Variants in AGK observed in about 807,000 individuals in gnomAD.
The protein encoded by AGK is acylglycerol kinase, mitochondrial.
In AGK, 52 loss-of-function variants were observed where a neutral mutation model predicts 66.4. That is an observed-to-expected ratio of 0.78 (90% confidence interval 0.63 to 0.99). The LOEUF (loss-of-function observed/expected upper bound fraction) is 0.99, where lower values mean the gene tolerates loss of function less well. AGK is among the 50% of genes least tolerant of loss of function. The probability of loss-of-function intolerance (pLI) is 0.00; values close to 1 mark genes in which losing one functional copy is unlikely to be tolerated. For synonymous variants in AGK, 182 were observed against 181.1 expected (o/e 1.00, Z -0.04); for missense variants, 451 against 506.6 (o/e 0.89, Z 1.05).
At chr7:141,593,050 G>A in intron 2 of AGK, 96 bp from the exon 3 acceptor site, 1 of 999,214 alleles carries the variant, frequency 1.0e-6, no homozygotes, top group African/African-American at 1.6e-5. Context: ...TTTTAGAGAA[G>A]AGGTGCCTAT....
At chr7:141,625,122 AG>A (rs1170561473) in intron 9 of AGK, among the ~76,000 whole-genome samples, 1 of 152,186 alleles carries the variant, frequency 6.6e-6, no homozygotes, top group East Asian at 1.9e-4. Context: ...TTTTAAGTTA[AG>A]GTGCATACTT....
intron 2 of AGK, among the ~76,000 whole-genome samples, chr7:141,559,219 A>T (rs560891449): frequency 6.6e-6 from 1 of 151,958 alleles, no homozygotes. Context: ...GCTTTTCCCT[A>T]TGTTTTCTTC....
intron 8 of AGK, chr7:141,616,207 T>C (rs35266476): frequency 0.38 from 56,911 of 151,648 alleles, 11,523 homozygotes; most frequent in East Asian, 0.54. Context: ...GATAGGAATC[T>C]TGAATTTGAG....
At chr7:141,609,668 G>A (rs1796537818) in intron 5 of AGK, among the ~76,000 whole-genome samples, 1 of 152,196 alleles carries the variant, frequency 6.6e-6, no homozygotes, top group African/African-American at 2.4e-5. Flanking sequence ...CCATTGGTGA[G>A]TTAACTCAAT....
rs774689436 is a variant in AGK, at chr7:141,637,034, G to T, written c.726+17G>T. On this transcript the variant is annotated intron_variant, in intron 11 of 15. Coordinates refer to ENST00000649286, the MANE Select transcript of AGK (RefSeq NM_018238.4). ...ACTCTTAAGGTAAATGTGATTTACA[G>T]TGTAGAAATTTGCTGTGTTATTTTG... is the stretch of plus-strand genomic sequence containing the variant. 6.2e-7 allele frequency: 1 copy of T among 1,604,648 alleles called. No homozygotes were observed. The highest frequency in any genetic ancestry group is 1.1e-5 in the South Asian group (1 of 89,566).
chr7:141,601,224 G>GA lies in AGK; in HGVS notation c.248dup (p.Asn83LysfsTer17). 2 of 1,612,122 alleles carry GA rather than the reference G, an allele frequency of 1.2e-6. No individual in the cohort carries two copies. The highest frequency in any genetic ancestry group is 1.1e-5 in the South Asian group (1 of 90,896). On this transcript the variant is annotated frameshift_variant, in exon 5 of 16. Coordinates refer to ENST00000649286, the MANE Select transcript of AGK (RefSeq NM_018238.4). LOFTEE classifies it high-confidence loss of function. Reference sequence around the variant, plus strand: ...TAACAGAAAAGCCAGGACTCTATTTGAAAAAAATGCTGCCCCGATTTTACA... The same window carrying GA: ...TAACAGAAAAGCCAGGACTCTATTTGAAAAAAAATGCTGCCCCGATTTTACA...
In AGK at chr7:141,654,428, T is replaced by C. The variant is rs1482241532; in HGVS notation, c.*1504T>C. 6.6e-6 allele frequency: 1 copy of C among 152,246 alleles called. No individual in the cohort carries two copies. Among genetic ancestry groups the C allele is most frequent in the Non-Finnish European group, 1.5e-5 (1 of 68,040 alleles). The allele number at this position is 152,246 out of a possible 1,614,324, so 9.4% of individuals were successfully genotyped here. A position where few individuals can be genotyped will look rare whatever the true frequency, so the allele number is the denominator to read the frequency against. ...AACAATGTTTTTACAGTTCTTTGGA[T>C]TCCTTTGGCATTTTGACAAAGATCA... On this transcript the variant is annotated 3_prime_UTR_variant, in exon 16 of 16. Coordinates refer to ENST00000649286, the MANE Select transcript of AGK (RefSeq NM_018238.4).
chr7:141,553,942 T>C (rs1795154289), intron 1 of AGK, among the ~76,000 whole-genome samples: 1 of 152,192 alleles, frequency 6.6e-6, no homozygotes, highest in African/African-American at 2.4e-5. Flanking sequence ...TAAATTTTTG[T>C]TTATCTAGAA....
intron 9 of AGK, among the ~76,000 whole-genome samples, chr7:141,622,397 C>T (rs768435951): frequency 6.6e-6 from 1 of 152,188 alleles, no homozygotes; most frequent in African/African-American, 2.4e-5. Context: ...TCTGTGGCAA[C>T]CCTGCCCCAA....
intron 11 of AGK, among the ~76,000 whole-genome samples, chr7:141,637,963 T>A (rs1287813543): frequency 6.6e-6 from 1 of 152,112 alleles, no homozygotes; most frequent in Non-Finnish European, 1.5e-5. Flanking sequence ...CAAACTGGAT[T>A]AGTAAAATCG....
chr7:141,567,111 T>C (rs1440638799), intron 2 of AGK, among the ~76,000 whole-genome samples: 1 of 152,176 alleles, frequency 6.6e-6, no homozygotes, highest in Non-Finnish European at 1.5e-5. Flanking sequence ...TTAGATATCT[T>C]CCTGCTTTGT....
chr7:141,591,340 AC>A (rs1305558660), intron 2 of AGK, among the ~76,000 whole-genome samples: 1 of 151,886 alleles, frequency 6.6e-6, no homozygotes, highest in East Asian at 1.9e-4. Flanking sequence ...TGATCTGCCC[AC>A]CTTGTCCTCC....
chr7:141,573,739 G>A (rs912207789), intron 2 of AGK, among the ~76,000 whole-genome samples: 1 of 152,200 alleles, frequency 6.6e-6, no homozygotes, highest in Non-Finnish European at 1.5e-5. Flanking sequence ...GTGAGGCAGA[G>A]GGACGTGGGG....
At chr7:141,583,137 T>A (rs2116901617) in intron 2 of AGK, among the ~76,000 whole-genome samples, 1 of 152,052 alleles carries the variant, frequency 6.6e-6, no homozygotes, top group African/African-American at 2.4e-5. Context: ...AAGTGCCGTT[T>A]TCTGGCTTTT....
intron 14 of AGK, among the ~76,000 whole-genome samples, chr7:141,650,199 A>G (rs1797522049): frequency 6.6e-6 from 1 of 152,256 alleles, no homozygotes; most frequent in Non-Finnish European, 1.5e-5. Context: ...TGCCTTTGGC[A>G]TAAATTCTTC....
At chr7:141,620,774 C>T (rs1441775643) in intron 8 of AGK, among the ~76,000 whole-genome samples, 1 of 152,180 alleles carries the variant, frequency 6.6e-6, no homozygotes, top group East Asian at 1.9e-4. Flanking sequence ...AGAGAAAAAT[C>T]GCCTTATACT....
chr7:141,572,188 T>C (rs796175717), intron 2 of AGK, among the ~76,000 whole-genome samples: 1 of 152,170 alleles, frequency 6.6e-6, no homozygotes, highest in South Asian at 2.1e-4. Context: ...GAGAATGTCA[T>C]GAACAAAGTA....
chr7:141,649,163 T>C (rs1797490305), intron 13 of AGK, 100 bp from the exon 14 acceptor site: 6 of 701,928 alleles, frequency 8.5e-6, no homozygotes, highest in Non-Finnish European at 1.3e-5. Context: ...CCCCTATCTA[T>C]ATATAGCTTC....
intron 2 of AGK, among the ~76,000 whole-genome samples, chr7:141,587,793 C>A (rs184377224): frequency 6.6e-6 from 1 of 152,334 alleles, no homozygotes; most frequent in East Asian, 1.9e-4. Flanking sequence ...GAATTGTCAT[C>A]GTTCCCTACT....
Sources: allele counts gnomAD v4.1 joint callset (sites outside exome capture counted in the v4.1 genomes callset), GRCh38; gene constraint gnomAD v4.1.1; transcripts MANE v1.5; gene names NCBI Gene and HGNC (gene_info 2026-07-23, HGNC 2026-07-21).